The following LRRC4C variants were observed in gnomAD, a reference collection of about 807,000 sequenced individuals.
The protein encoded by LRRC4C is leucine rich repeat containing 4C.
Under a neutral mutation model 33.6 loss-of-function variants are expected in LRRC4C, and 5 were observed. The ratio of observed to expected loss-of-function variants is 0.15; its 90% CI spans 0.08 to 0.31. The LOEUF (loss-of-function observed/expected upper bound fraction) is 0.31, where lower values mean the gene tolerates loss of function less well. Among genes scored for constraint, LRRC4C ranks in the 10% least tolerant of loss-of-function variants. LRRC4C has a pLI of 1.00. For synonymous variants in LRRC4C, 329 were observed against 302.0 expected (o/e 1.09, Z -0.93); for missense variants, 560 against 796.7 (o/e 0.70, Z 3.58).
intron 2 of LRRC4C, among the ~76,000 whole-genome samples, chr11:40,718,665 T>C (rs1332986717): frequency 6.6e-6 from 1 of 152,174 alleles, no homozygotes; most frequent in African/African-American, 2.4e-5. Context: ...TATTTTATTA[T>C]TGAACTTATA....
chr11:40,894,743 C>T (rs1049475770), intron 2 of LRRC4C, among the ~76,000 whole-genome samples: 1 of 152,114 alleles, frequency 6.6e-6, no homozygotes, highest in Non-Finnish European at 1.5e-5. Flanking sequence ...TTTCTTGAAA[C>T]TCTATCCCTT....
intron 4 of LRRC4C, among the ~76,000 whole-genome samples, chr11:40,294,340 G>A (rs965406033): frequency 6.6e-6 from 1 of 152,088 alleles, no homozygotes; most frequent in African/African-American, 2.4e-5. Flanking sequence ...TGTGGGAGAA[G>A]TCAGTTTTTT....
At chr11:41,224,163 TAA>T (rs1947425409) in intron 1 of LRRC4C, among the ~76,000 whole-genome samples, 1 of 152,176 alleles carries the variant, frequency 6.6e-6, no homozygotes. Context: ...ATTAAATTAA[TAA>T]GAGAGAATTA....
chr11:40,841,665 A>C (rs1255325311), intron 2 of LRRC4C, among the ~76,000 whole-genome samples: 2 of 152,182 alleles, frequency 1.3e-5, no homozygotes, highest in African/African-American at 4.8e-5. Context: ...TATGAGAAAT[A>C]ATGTTTATGT....
At chr11:40,799,064 T>C (rs957659107) in intron 2 of LRRC4C, among the ~76,000 whole-genome samples, 1 of 152,222 alleles carries the variant, frequency 6.6e-6, no homozygotes, top group Non-Finnish European at 1.5e-5. Flanking sequence ...TGCATATAGG[T>C]AGCAACAAAT....
At chr11:41,154,562 C>T (rs1944142339) in intron 1 of LRRC4C, among the ~76,000 whole-genome samples, 1 of 152,060 alleles carries the variant, frequency 6.6e-6, no homozygotes, top group African/African-American at 2.4e-5. Context: ...TAAAGTTTTT[C>T]AAAGATTTTG....
intron 1 of LRRC4C, among the ~76,000 whole-genome samples, chr11:41,133,626 A>G (rs1288298927): frequency 6.6e-6 from 1 of 151,874 alleles, no homozygotes; most frequent in African/African-American, 2.4e-5. Context: ...TTTAGGAGCA[A>G]CAACTTCCCA....
intron 5 of LRRC4C, among the ~76,000 whole-genome samples, chr11:40,238,375 T>C (rs1865708933): frequency 6.6e-6 from 1 of 152,188 alleles, no homozygotes; most frequent in Non-Finnish European, 1.5e-5. Flanking sequence ...ATGGCTAATG[T>C]TCTTTGGCTA....
chr11:40,163,726 G>GTACA (rs1256983633), intron 5 of LRRC4C, among the ~76,000 whole-genome samples: 1 of 152,038 alleles, frequency 6.6e-6, no homozygotes, highest in African/African-American at 2.4e-5. Context: ...CCCAAGCTAA[G>GTACA]TACAGTAGGC....
chr11:40,219,126 G>A (rs1000546498), intron 5 of LRRC4C, among the ~76,000 whole-genome samples: 1 of 152,130 alleles, frequency 6.6e-6, no homozygotes, highest in Non-Finnish European at 1.5e-5. Flanking sequence ...CTCAGATGCG[G>A]TAGCCACTAG....
At chr11:40,506,660 T>A (rs1008978220) in intron 3 of LRRC4C, among the ~76,000 whole-genome samples, 1 of 152,178 alleles carries the variant, frequency 6.6e-6, no homozygotes, top group African/African-American at 2.4e-5. Context: ...ATAATTCTAA[T>A]GTTTATATAC....
intron 3 of LRRC4C, among the ~76,000 whole-genome samples, chr11:40,550,124 T>C (rs944913038): frequency 1.3e-5 from 2 of 152,128 alleles, no homozygotes; most frequent in African/African-American, 2.4e-5. Flanking sequence ...AGGGATCTGA[T>C]GTGGAAATTA....
At chr11:41,315,402 T>C (rs180743441) in intron 1 of LRRC4C, among the ~76,000 whole-genome samples, 12 of 152,348 alleles carry the variant, frequency 7.9e-5, no homozygotes, top group Non-Finnish European at 1.0e-4. Context: ...TTGCAACTTT[T>C]ATTTTGCTTG....
At chr11:41,104,584 A>C (rs1454292038) in intron 1 of LRRC4C, among the ~76,000 whole-genome samples, 1 of 151,940 alleles carries the variant, frequency 6.6e-6, no homozygotes, top group Non-Finnish European at 1.5e-5. Context: ...TGTGGAGTGA[A>C]CATATGACCC....
intron 1 of LRRC4C, among the ~76,000 whole-genome samples, chr11:41,404,762 A>C (rs979590711): frequency 6.6e-6 from 1 of 152,026 alleles, no homozygotes; most frequent in Non-Finnish European, 1.5e-5. Context: ...TAGTCATAGG[A>C]TATTTCAGAC....
chr11:41,144,014 C>T (rs544291230), intron 1 of LRRC4C, among the ~76,000 whole-genome samples: 42 of 152,260 alleles, frequency 2.8e-4, no homozygotes, highest in African/African-American at 9.9e-4. Context: ...TAAGAAGATG[C>T]CACGTGCTCA....
At chr11:40,119,984 A>G (rs28533438) in intron 6 of LRRC4C, among the ~76,000 whole-genome samples, 1,887 of 152,208 alleles carry the variant, frequency 0.012, 41 homozygotes, top group African/African-American at 0.044. Context: ...ACCCAATCAT[A>G]AGACCATTTA....
intron 3 of LRRC4C, among the ~76,000 whole-genome samples, chr11:40,624,409 G>C (rs1962741894): frequency 1.3e-5 from 2 of 152,084 alleles, no homozygotes; most frequent in African/African-American, 4.8e-5. Flanking sequence ...TGTGGTAAAA[G>C]GAAAATTCCC....
intron 1 of LRRC4C, among the ~76,000 whole-genome samples, chr11:41,166,212 G>T (rs548059539): frequency 1.3e-5 from 2 of 152,082 alleles, no homozygotes; most frequent in South Asian, 4.2e-4. Flanking sequence ...TCAGCACAGA[G>T]CCTAGCACAT....
Sources: allele counts gnomAD v4.1 joint callset (sites outside exome capture counted in the v4.1 genomes callset), GRCh38; gene constraint gnomAD v4.1.1; transcripts MANE v1.5; gene names NCBI Gene and HGNC (gene_info 2026-07-23, HGNC 2026-07-21).